The following DDX4 variants were observed in gnomAD, a reference collection of about 807,000 sequenced individuals.
DDX4 encodes the protein DEAD-box helicase 4.
Under a neutral mutation model 100.0 loss-of-function variants are expected in DDX4, and 25 were observed. The ratio of observed to expected loss-of-function variants is 0.25; its 90% confidence interval spans 0.18 to 0.35. DDX4 has a LOEUF of 0.35. DDX4 is among the 10% of genes least tolerant of loss of function. DDX4 has a pLI of 1.00. For missense variants in DDX4, 635 were observed against 882.4 expected (o/e 0.72, Z 3.55); for synonymous variants, 259 against 275.7 (o/e 0.94, Z 0.60).
intron 4 of DDX4, among the ~76,000 whole-genome samples, chr5:55,761,861 C>T (rs1740576824): frequency 1.3e-5 from 2 of 152,146 alleles, no homozygotes; most frequent in Admixed American, 6.5e-5. Context: ...CCACCTGCCT[C>T]GGCCTCCCAG....
intron 7 of DDX4, among the ~76,000 whole-genome samples, chr5:55,768,734 C>G (rs1167323898): frequency 2.6e-5 from 4 of 152,166 alleles, no homozygotes. Context: ...AACTAATTTA[C>G]ACTCCCACCA....
chr5:55,764,249 C>T (rs1328253525), intron 6 of DDX4, among the ~76,000 whole-genome samples, 185 bp downstream of exon 6: 3 of 152,078 alleles, frequency 2.0e-5, no homozygotes, highest in Non-Finnish European at 4.4e-5. Context: ...TTCAGGCATC[C>T]TAATTTGGCC....
At chr5:55,745,931 G>A (rs1580508221) in intron 2 of DDX4, among the ~76,000 whole-genome samples, 1 of 152,246 alleles carries the variant, frequency 6.6e-6, no homozygotes, top group East Asian at 1.9e-4. Context: ...GGTGGCTGTA[G>A]TTTTCTGACC....
intron 17 of DDX4, among the ~76,000 whole-genome samples, chr5:55,796,575 T>C (rs1476889585): frequency 6.6e-6 from 1 of 152,160 alleles, no homozygotes; most frequent in Non-Finnish European, 1.5e-5. Flanking sequence ...TTTAAACTCT[T>C]TAACACATGA....
At chr5:55,810,864 G>A (rs1219151090) in intron 18 of DDX4, among the ~76,000 whole-genome samples, 1 of 152,104 alleles carries the variant, frequency 6.6e-6, no homozygotes, top group African/African-American at 2.4e-5. Context: ...GGATTCGTGG[G>A]TATCAGAAAA....
chr5:55,781,838 A>G (rs1457697717), intron 9 of DDX4, 96 bp from the exon 10 acceptor site: 2 of 1,381,236 alleles, frequency 1.4e-6, no homozygotes, highest in Non-Finnish European at 1.0e-6. Context: ...AGGATTCCTA[A>G]GTAATAACTT....
chr5:55,762,838 T>A (rs1226335419), intron 4 of DDX4, among the ~76,000 whole-genome samples: 11 of 152,148 alleles, frequency 7.2e-5, no homozygotes, highest in Admixed American at 7.2e-4. Flanking sequence ...GCAGTGACTT[T>A]CACACAGGGC....
At chr5:55,806,418 G>C (rs1743725108) in intron 18 of DDX4, among the ~76,000 whole-genome samples, 1 of 152,090 alleles carries the variant, frequency 6.6e-6, no homozygotes, top group South Asian at 2.1e-4. Flanking sequence ...TGTGATATTA[G>C]GGTGTCAGTT....
At chr5:55,792,215 G>A (rs1742620689) in intron 16 of DDX4, among the ~76,000 whole-genome samples, 1 of 150,860 alleles carries the variant, frequency 6.6e-6, no homozygotes, top group African/African-American at 2.4e-5. Flanking sequence ...TAGACATTTG[G>A]TTTCTTTTAG....
chr5:55,770,316 A>G (rs1229145244), intron 7 of DDX4, among the ~76,000 whole-genome samples: 5 of 152,124 alleles, frequency 3.3e-5, no homozygotes, highest in Admixed American at 3.3e-4. Flanking sequence ...TTTGTCTCTG[A>G]ATAGAGTCAT....
In DDX4 at chr5:55,783,838, G is replaced by GTTT. The variant is rs147016073; in HGVS notation, c.626-1445_626-1443dup. 1.2e-3 allele frequency among the ~76,000 whole-genome samples: 173 copies of GTTT among 144,062 alleles called. 1 individual carries two copies. Among genetic ancestry groups the GTTT allele is most frequent in the African/African-American group, 3.5e-3 (140 of 39,446 alleles). 94.5% of individuals were successfully genotyped at this position (144,062 alleles called of 152,430 possible). On this transcript the variant is annotated intron_variant, in intron 10 of 21. Transcript: ENST00000505374. The stretch of plus-strand genomic sequence containing the variant: ...ATTCAAGTCCAAAGGAACCAGTAAA[G>GTTT]TTTTTTTTTTTTTTTTAATACTTTA...
In DDX4 at chr5:55,785,281, T is replaced by A. The variant is rs371234043; in HGVS notation, c.626-16T>A. On this transcript the variant is annotated splice_polypyrimidine_tract_variant and intron_variant, in intron 10 of 21. Transcript: ENST00000505374. ...TTACATCTTGACCGATTGTCACTTA[T>A]GAATTTCTTTAATAGGTGGTTACAA... is the stretch of plus-strand genomic sequence containing the variant. The A allele has an allele frequency of 4.5e-5, 70 of 1,562,768 alleles. No individual in the cohort carries two copies. The highest frequency in any genetic ancestry group is 5.7e-5 in the Non-Finnish European group (65 of 1,135,474).
intron 16 of DDX4, among the ~76,000 whole-genome samples, chr5:55,791,131 C>G (rs1742533623): frequency 6.6e-6 from 1 of 152,052 alleles, no homozygotes; most frequent in African/African-American, 2.4e-5. Context: ...ATTCTGTCTC[C>G]TATGTAAGCA....
rs768658856 is a variant in DDX4 at position 55,787,912 on chromosome 5, G to C, written c.1084G>C (p.Glu362Gln). Residue 362 changes from glutamate (E) to glutamine (Q), a missense_variant, in exon 15 of 22, where the codon GAG becomes CAG. Physicochemically the swap from Glu to Gln is conservative, Grantham distance 29. This residue lies in a region of DDX4 where 446 missense variants were observed against 540.8 expected (regional missense o/e 0.82). Coordinates refer to ENST00000505374, the MANE Select transcript of DDX4 (RefSeq NM_024415.3). ...HDGITASRFK[E>Q]LQEPECIIVA... ...TGGAATAACTGCCAGTCGTTTTAAA[G>C]AGTTGCAGGAACCAGAGTGTATTAT... 2.8e-5 allele frequency: 45 copies of C among 1,613,866 alleles called. No individual in the cohort carries two copies. The highest frequency in any genetic ancestry group is 1.6e-4 in the Middle Eastern group (1 of 6,080).
intron 21 of DDX4, 27 bp downstream of exon 21, chr5:55,815,450 T>G: frequency 6.3e-7 from 1 of 1,594,542 alleles, no homozygotes; most frequent in Non-Finnish European, 8.5e-7. Flanking sequence ...ACTTGAGAAC[T>G]TGTCTTCTAG....
rs530445743 is a variant in DDX4 at position 55,764,192 on chromosome 5, A to G, written c.334+128A>G. On this transcript the variant is annotated intron_variant, in intron 6 of 21. Coordinates refer to ENST00000505374, the MANE Select transcript of DDX4 (RefSeq NM_024415.3). ...TTAAACCAGATTTTATGAAGTAGCT[A>G]TATCCAAAGCCTTAACCAAGGATAT... The G allele has an allele frequency of 1.0e-3, 709 of 685,934 alleles. 11 individuals are homozygous for G. The highest frequency in any genetic ancestry group is 9.9e-3 in the South Asian group (557 of 56,144). The allele number at this position is 685,934 out of a possible 1,614,324, so 42.5% of individuals were successfully genotyped here. A position where few individuals can be genotyped will look rare whatever the true frequency, so the allele number is the denominator to read the frequency against.
intron 16 of DDX4, 69 bp from the exon 17 acceptor site, chr5:55,792,572 A>T: frequency 1.3e-6 from 1 of 790,374 alleles, no homozygotes; most frequent in Non-Finnish European, 1.8e-6. Flanking sequence ...TAACAGTTGG[A>T]ATTGTAGAGA....
chr5:55,816,647 C>T lies in DDX4; in HGVS notation c.*107C>T. On this transcript the variant is annotated 3_prime_UTR_variant, in exon 22 of 22. Coordinates refer to ENST00000505374, the MANE Select transcript of DDX4 (RefSeq NM_024415.3). ...AACTTAACATTCTCATAGCTCCTGT[C>T]CTTGTATTCTCACTCCTACACTTAA... 1.3e-6 allele frequency: 2 copies of T among 1,502,812 alleles called. No homozygotes were observed. Among genetic ancestry groups the T allele is most frequent in the Non-Finnish European group, 1.8e-6 (2 of 1,123,740 alleles). 93.1% of individuals were successfully genotyped at this position (1,502,812 alleles called of 1,614,324 possible). A position where few individuals can be genotyped will look rare whatever the true frequency, so the allele number is the denominator to read the frequency against.
At chr5:55,780,458 G>A (rs1741841469) in intron 8 of DDX4, among the ~76,000 whole-genome samples, 1 of 152,106 alleles carries the variant, frequency 6.6e-6, no homozygotes, top group African/African-American at 2.4e-5. Flanking sequence ...TAGAGATAAG[G>A]TACTGACTTC....
Sources: gnomAD v4.1 joint callset for allele counts (sites outside exome capture counted in the v4.1 genomes callset) on GRCh38, gnomAD v4.1.1 for gene constraint, gnomAD v4.1.1 regional missense constraint, MANE v1.5 for transcripts, NCBI Gene and HGNC (gene_info 2026-07-23, HGNC 2026-07-21) for gene names.